CRYBG1: variants seen among roughly 807,000 people sequenced by gnomAD.
CRYBG1 encodes the protein beta/gamma crystallin domain-containing protein 1.
A neutral mutation model predicts 189.2 loss-of-function variants in CRYBG1; 139 were observed. The observed-to-expected ratio is 0.73, with a 90% CI of 0.64 to 0.85. The LOEUF is 0.85. Among genes scored for constraint, CRYBG1 ranks in the 40% least tolerant of loss-of-function variants. The probability of loss-of-function intolerance (pLI) is 0.00; values close to 1 mark genes in which losing one functional copy is unlikely to be tolerated. For missense variants in CRYBG1, 2,611 were observed against 2,675.8 expected, an observed-to-expected ratio of 0.98 and a Z score of 0.53; for synonymous variants, 1,023 against 1,017.1, an observed-to-expected ratio of 1.01 and a Z score of -0.11.
At chr6:106,550,529 G>C (rs1259185161) in intron 13 of CRYBG1, among the ~76,000 whole-genome samples, 2 of 151,796 alleles carry the variant, frequency 1.3e-5, no homozygotes, top group Non-Finnish European at 2.9e-5. Context: ...TCTGGGTGTA[G>C]ATCACTTAAA....
rs766167838 is a variant in CRYBG1, at chr6:106,520,971, A to G, written c.3763A>G (p.Ile1255Val). 6.2e-7 allele frequency: 1 copy of G among 1,614,096 alleles called. No individual in the cohort carries two copies. Among genetic ancestry groups the G allele is most frequent in the Non-Finnish European group, 8.5e-7 (1 of 1,180,016 alleles). Reference protein sequence around the residue: ...SLLSSLPQDKIFSPSVTSVNT... With the variant: ...SLLSSLPQDKVFSPSVTSVNT... ...GTTATCTTCTTTACCACAAGACAAAATCTTTTCTCCTTCTGTGACATCAGT... is the reference window on the plus strand; with the variant it reads ...GTTATCTTCTTTACCACAAGACAAAGTCTTTTCTCCTTCTGTGACATCAGT... Residue 1255 changes from isoleucine (I) to valine (V), a missense_variant, in exon 4 of 22, where the codon ATC (isoleucine) becomes GTC (valine). This residue lies in a region of CRYBG1 where 1,622 missense variants were observed against 1,735.0 expected (regional missense o/e 0.93). Transcript: ENST00000633556.
chr6:106,428,509 T>C (rs1235431071), intron 1 of CRYBG1, among the ~76,000 whole-genome samples: 1 of 152,222 alleles, frequency 6.6e-6, no homozygotes, highest in Non-Finnish European at 1.5e-5. Context: ...AGAATTAAAA[T>C]TTGTAACGAG....
At chr6:106,385,488 G>A (rs1417515005) in intron 1 of CRYBG1, among the ~76,000 whole-genome samples, 2 of 152,136 alleles carry the variant, frequency 1.3e-5, no homozygotes, top group East Asian at 1.9e-4. Flanking sequence ...TGCATATACT[G>A]ACACAAAATG....
chr6:106,435,140 A>G (rs1396909988), intron 1 of CRYBG1, among the ~76,000 whole-genome samples: 2 of 151,974 alleles, frequency 1.3e-5, no homozygotes, highest in Non-Finnish European at 2.9e-5. Flanking sequence ...CTCCTGTCCC[A>G]CTCCTCAATC....
At position 106,513,016 on chromosome 6, in the gene CRYBG1, G is replaced by A. The variant is rs551016776; in HGVS notation, c.1899G>A (p.Ser633=). The part of the protein sequence containing the change: ...KPRNHFGVGR[S]TVTTKVTLPA... ...GGAACCATTTCGGCGTGGGCAGGTCGACAGTGACCACTAAAGTGACCCTGT... is the reference window on the plus strand; with the variant it reads ...GGAACCATTTCGGCGTGGGCAGGTCAACAGTGACCACTAAAGTGACCCTGT... The change falls in exon 3 of 22, where the codon TCG becomes TCA. Residue 633 remains serine (S), a synonymous_variant. Transcript: ENST00000633556. 6.2e-7 allele frequency: 1 copy of A among 1,605,308 alleles called. No individual in the cohort carries two copies. Among genetic ancestry groups the A allele is most frequent in the East Asian group, 2.2e-5 (1 of 44,872 alleles).
chr6:106,501,336 GA>G (rs1235259871), intron 2 of CRYBG1, among the ~76,000 whole-genome samples: 1 of 152,160 alleles, frequency 6.6e-6, no homozygotes, highest in African/African-American at 2.4e-5. Context: ...ATTAAAAAAA[GA>G]GTAGGCTTAT....
intron 1 of CRYBG1, among the ~76,000 whole-genome samples, chr6:106,369,274 G>A (rs1433419566): frequency 1.3e-5 from 2 of 152,174 alleles, no homozygotes; most frequent in Non-Finnish European, 2.9e-5. Context: ...CAATTAACAA[G>A]TACCTTTTGT....
chr6:106,410,173 A>G (rs6568438), intron 1 of CRYBG1, among the ~76,000 whole-genome samples: 1 of 151,994 alleles, frequency 6.6e-6, no homozygotes, highest in Non-Finnish European at 1.5e-5. Context: ...AAACAAATTC[A>G]CAAGAAAAAA....
At chr6:106,410,977 G>A (rs1382142597) in intron 1 of CRYBG1, among the ~76,000 whole-genome samples, 5 of 152,060 alleles carry the variant, frequency 3.3e-5, no homozygotes, top group African/African-American at 1.2e-4. Context: ...AAACCTGCAC[G>A]TTCTGCACAT....
intron 1 of CRYBG1, among the ~76,000 whole-genome samples, chr6:106,450,513 C>A (rs1382432884): frequency 6.6e-6 from 1 of 152,196 alleles, no homozygotes; most frequent in East Asian, 1.9e-4. Flanking sequence ...ATCTACCAAA[C>A]CTTGGATCAG....
chr6:106,537,308 C>G lies in CRYBG1; in HGVS notation c.4719-2095C>G, dbSNP rs993632572. On this transcript the variant is annotated intron_variant, in intron 8 of 21. Coordinates refer to ENST00000633556, the MANE Select transcript of CRYBG1 (RefSeq NM_001371242.2). The stretch of plus-strand genomic sequence containing the variant: ...ACATTCAGTTTTTGAAAAATTAAAC[C>G]TGTTCACTTGTAAAGAAGTCAGACT... Among the ~76,000 whole-genome samples the G allele has an allele frequency of 5.9e-5, 9 of 152,196 alleles. 1 individual carries two copies. In the South Asian group the frequency reaches 1.7e-3, roughly 28 times the overall value.
chr6:106,375,026 TA>T (rs1770125157), intron 1 of CRYBG1, among the ~76,000 whole-genome samples: 1 of 152,144 alleles, frequency 6.6e-6, no homozygotes, highest in Non-Finnish European at 1.5e-5. Flanking sequence ...GGGGGGGGCA[TA>T]ACCTTTTTGA....
chr6:106,556,698 C>T (rs551084947), intron 17 of CRYBG1, among the ~76,000 whole-genome samples: 3 of 152,268 alleles, frequency 2.0e-5, no homozygotes, highest in African/African-American at 7.2e-5. Context: ...TTGGTAACTG[C>T]TTTCTCATAA....
chr6:106,437,572 G>C (rs1771482688), intron 1 of CRYBG1, among the ~76,000 whole-genome samples: 1 of 152,028 alleles, frequency 6.6e-6, no homozygotes, highest in Non-Finnish European at 1.5e-5. Context: ...GAGTAGCTAG[G>C]ACTACTGGCA....
chr6:106,521,268 A>G lies in CRYBG1; in HGVS notation c.4060A>G (p.Thr1354Ala). The change falls in exon 4 of 22, where the codon ACT becomes GCT. Residue 1354 changes from threonine to alanine, a missense_variant. Thr to Ala is a moderately conservative substitution (Grantham distance 58, BLOSUM62 0). Around this residue, in one of 3 missense-constraint regions of CRYBG1, gnomAD observed 1,622 missense variants for 1,735.0 expected, o/e 0.93. Coordinates refer to ENST00000633556, the MANE Select transcript of CRYBG1 (RefSeq NM_001371242.2). ...ACGAAGCAACCTACACTTGCCAGAA[A>G]CTAAATTTTCTGAATTGTCAAAACT... Reference protein sequence around the residue: ...DSRSNLHLPETKFSELSKLKN... With the variant: ...DSRSNLHLPEAKFSELSKLKN... The G allele has an allele frequency of 1.2e-6, 2 of 1,613,928 alleles. No homozygotes were observed. The highest frequency in any genetic ancestry group is 1.7e-6 in the Non-Finnish European group (2 of 1,179,990).
At chr6:106,554,242 G>A (rs554201896) in intron 16 of CRYBG1, among the ~76,000 whole-genome samples, 1 of 152,156 alleles carries the variant, frequency 6.6e-6, no homozygotes. Flanking sequence ...CTTTAATCAC[G>A]TGGTTCTTTA....
At chr6:106,557,817 T>A (rs1356053729) in intron 17 of CRYBG1, among the ~76,000 whole-genome samples, 2 of 152,238 alleles carry the variant, frequency 1.3e-5, no homozygotes, top group African/African-American at 4.8e-5. Flanking sequence ...GTCTATAATT[T>A]GAAAAAACAG....
At chr6:106,370,009 C>T (rs1240119718) in intron 1 of CRYBG1, among the ~76,000 whole-genome samples, 2 of 152,132 alleles carry the variant, frequency 1.3e-5, no homozygotes, top group African/African-American at 4.8e-5. Context: ...ATGGTGCTTT[C>T]TTTATATTCT....
Position 106,488,722 on chromosome 6 carries a change from C to T in CRYBG1, c.313-22708C>T, listed in dbSNP as rs1159678852. Among the ~76,000 whole-genome samples the T allele has an allele frequency of 2.6e-5, 4 of 152,062 alleles. No individual in the cohort carries two copies. In the East Asian group the frequency reaches 7.7e-4, roughly 29 times the overall value. On this transcript the variant is annotated intron_variant, in intron 2 of 21. Coordinates refer to ENST00000633556, the MANE Select transcript of CRYBG1 (RefSeq NM_001371242.2). Reference sequence around the variant, plus strand: ...CACTGCTGCACAGTTGGCTTGTGTCCCTGGGTGATAAGGTGCCTCATGAAT... The same window carrying T: ...CACTGCTGCACAGTTGGCTTGTGTCTCTGGGTGATAAGGTGCCTCATGAAT...
Sources: allele counts gnomAD v4.1 joint callset (sites outside exome capture counted in the v4.1 genomes callset), GRCh38; gene constraint gnomAD v4.1.1; regional missense constraint gnomAD v4.1.1; transcripts MANE v1.5; gene names NCBI Gene and HGNC (gene_info 2026-07-23, HGNC 2026-07-21).